FBLN5: variants seen among roughly 807,000 people sequenced by gnomAD.
FBLN5 encodes the protein fibulin-5.
In FBLN5, 24 loss-of-function variants were observed where a neutral mutation model predicts 61.6. That is an observed-to-expected ratio of 0.39 (90% CI 0.28 to 0.55). FBLN5 has a LOEUF of 0.55. Ranked by LOEUF, FBLN5 falls within the 20% of genes least tolerant of loss-of-function variation. The pLI is 0.65. For missense variants in FBLN5, 470 were observed against 594.1 expected (o/e 0.79, Z 2.17); for synonymous variants, 213 against 219.8 (o/e 0.97, Z 0.27).
At chr14:91,938,344 A>G in intron 3 of FBLN5, 1 of 169,384 alleles carries the variant, frequency 5.9e-6, no homozygotes, top group Non-Finnish European at 1.3e-5. Context: ...AATTCCAGCT[A>G]CTTGGGAGGC....
intron 1 of FBLN5, chr14:91,946,967 G>A (rs2056195154): frequency 3.4e-6 from 5 of 1,463,656 alleles, no homozygotes; most frequent in East Asian, 2.5e-5. Flanking sequence ...TGAGAATTTC[G>A]CAGCCCTCTC....
chr14:91,939,960 AAAAAG>A (rs1339023277), intron 3 of FBLN5: 1 of 454,012 alleles, frequency 2.2e-6, no homozygotes, highest in East Asian at 7.0e-5. Context: ...GCTACAACAG[AAAAAG>A]AAGAGATTCA....
At position 91,934,429 on chromosome 14, in the gene FBLN5, T is replaced by C. The variant is rs1300015587; in HGVS notation, c.379+2518A>G. 2.6e-5 allele frequency among the ~76,000 whole-genome samples: 4 copies of C among 152,194 alleles called. No homozygotes were observed. In the East Asian group the frequency reaches 7.7e-4, roughly 29 times the overall value. ...TAGGAATGATAATAGTTTTACCTTG[T>C]AGCTGGTTATGAGGATCAAGCGCAT... is the stretch of plus-strand genomic sequence containing the variant. On this transcript the variant is annotated intron_variant, in intron 4 of 10. Transcript: ENST00000342058.
At chr14:91,886,674 C>T (rs61477708) in intron 7 of FBLN5, among the ~76,000 whole-genome samples, 5,665 of 151,840 alleles carry the variant, frequency 0.037, 356 homozygotes, top group African/African-American at 0.13. Context: ...TTGCATGTTC[C>T]CTGGGTGCCA....
chr14:91,903,480 T>C (rs74902155), intron 4 of FBLN5, among the ~76,000 whole-genome samples: 2,575 of 152,318 alleles, frequency 0.017, 37 homozygotes, highest in Middle Eastern at 0.037. Context: ...GCATCCCTTT[T>C]TTAACTGAGT....
Position 91,943,001 on chromosome 14 carries a change from AT to A in FBLN5, c.18-41del, listed in dbSNP as rs1366324216. On this transcript the variant is annotated intron_variant, in intron 1 of 10. Transcript: ENST00000342058. The surrounding 1 kb of genome is among the most constrained non-coding windows in gnomAD (Gnocchi z 4.0). Reference sequence around the variant, plus strand: ...AGTCAAATATAAATGCCCAAGACAGATTCAGGTCTAGGGGAGTGTGGGTCGC... The same window carrying A: ...AGTCAAATATAAATGCCCAAGACAGATCAGGTCTAGGGGAGTGTGGGTCGC... The A allele has an allele frequency of 2.2e-6, 3 of 1,374,448 alleles. No individual in the cohort carries two copies. The African/African-American group carries it at 4.3e-5, about 20-fold the overall frequency. The allele number at this position is 1,374,448 out of a possible 1,614,324, so 85.1% of individuals were successfully genotyped here.
intron 1 of FBLN5, among the ~76,000 whole-genome samples, chr14:91,945,689 T>C (rs1489327272): frequency 6.6e-6 from 1 of 152,162 alleles, no homozygotes; most frequent in African/African-American, 2.4e-5. Flanking sequence ...AGGGCCCTGA[T>C]ACGATCTTAG....
intron 5 of FBLN5, among the ~76,000 whole-genome samples, chr14:91,894,423 A>AAAC (rs1890129879): frequency 1.4e-5 from 2 of 144,910 alleles, no homozygotes; most frequent in Non-Finnish European, 3.0e-5. Flanking sequence ...AAAAAAAAAA[A>AAAC]AAAACCGAAA....
intron 4 of FBLN5, among the ~76,000 whole-genome samples, chr14:91,902,763 T>A (rs1265199125): frequency 6.6e-6 from 1 of 152,236 alleles, no homozygotes; most frequent in Non-Finnish European, 1.5e-5. Flanking sequence ...TCTGTATCCA[T>A]GCAGCCTGCT....
intron 4 of FBLN5, among the ~76,000 whole-genome samples, chr14:91,933,433 C>T (rs567017210): frequency 7.4e-4 from 112 of 152,208 alleles, no homozygotes; most frequent in African/African-American, 2.6e-3. Context: ...TACCACCACA[C>T]CCAACTAATT....
At position 91,894,983 on chromosome 14, in the gene FBLN5, C is replaced by T. The variant is rs533006363; in HGVS notation, c.469G>A (p.Asp157Asn). 10 of 1,614,064 alleles carry T rather than the reference C, an allele frequency of 6.2e-6. No homozygotes were observed. The highest frequency in any genetic ancestry group is 5.3e-5 in the African/African-American group (4 of 75,008). The change falls in exon 5 of 11, where the codon GAC becomes AAC. Residue 157 changes from aspartate to asparagine, a missense_variant. Asp to Asn is a conservative substitution (Grantham distance 23). Transcript: ENST00000342058. ...TEGGYTCSCTDGYWLLEGQCL... is the reference protein window; with the variant it reads ...TEGGYTCSCTNGYWLLEGQCL... ...TGGCCTTCCAGAAGCCAATATCCGT[C>T]GGTGCAGGAGCAGGTGTACCCGCCT...
intron 4 of FBLN5, among the ~76,000 whole-genome samples, chr14:91,922,429 C>A (rs987818135): frequency 6.6e-6 from 1 of 152,130 alleles, no homozygotes; most frequent in Non-Finnish European, 1.5e-5. Flanking sequence ...AGCTGGTGGA[C>A]ACGAAAGCAT....
chr14:91,902,269 G>GT, intron 4 of FBLN5, among the ~76,000 whole-genome samples: 1 of 86,480 alleles, frequency 1.2e-5, no homozygotes, highest in South Asian at 3.9e-4. Flanking sequence ...GGGTTTTTTT[G>GT]TTTGTTTGTT....
chr14:91,912,406 A>C (rs1049837249), intron 4 of FBLN5, among the ~76,000 whole-genome samples: 3 of 152,180 alleles, frequency 2.0e-5, no homozygotes, highest in African/African-American at 4.8e-5. Flanking sequence ...CATTTATGGG[A>C]GACCGAGGTG....
intron 9 of FBLN5, among the ~76,000 whole-genome samples, chr14:91,880,685 C>T (rs1212425036): frequency 6.6e-6 from 1 of 152,070 alleles, no homozygotes; most frequent in Non-Finnish European, 1.5e-5. Context: ...GTAGCTGGGA[C>T]TACAGGCCCG....
At chr14:91,919,390 AAAGGAAGG>A (rs3031540) in intron 4 of FBLN5, among the ~76,000 whole-genome samples, 6,523 of 99,540 alleles carry the variant, frequency 0.066, 301 homozygotes, top group Middle Eastern at 0.13. Flanking sequence ...AGAAAGAAAG[AAAGGAAGG>A]AAGGAAGGAA....
chr14:91,930,339 T>C (rs1271378196), intron 4 of FBLN5, among the ~76,000 whole-genome samples: 3 of 152,092 alleles, frequency 2.0e-5, no homozygotes, highest in Admixed American at 6.5e-5. Flanking sequence ...CCAGCAATGA[T>C]AGGGAAAGAC....
At chr14:91,876,913 G>C (rs916809138) in intron 10 of FBLN5, among the ~76,000 whole-genome samples, 1 of 151,972 alleles carries the variant, frequency 6.6e-6, no homozygotes, top group Non-Finnish European at 1.5e-5. Context: ...CTGCAACTTC[G>C]ACCTCCTGGG....
chr14:91,893,090 G>C (rs894213699), intron 5 of FBLN5, among the ~76,000 whole-genome samples: 2 of 152,122 alleles, frequency 1.3e-5, no homozygotes, highest in Non-Finnish European at 2.9e-5. Flanking sequence ...TACCACTCCA[G>C]CGCCCCTTGT....
Sources: allele counts gnomAD v4.1 joint callset (sites outside exome capture counted in the v4.1 genomes callset), GRCh38; gene constraint gnomAD v4.1.1; non-coding constraint Gnocchi (gnomAD v3.1); transcripts MANE v1.5; gene names NCBI Gene and HGNC (gene_info 2026-07-23, HGNC 2026-07-21).